The following CFAP299 variants were observed in gnomAD, a reference collection of about 807,000 sequenced individuals.
CFAP299 encodes cilia and flagella associated protein 299.
In CFAP299, 21 loss-of-function variants were observed where a neutral mutation model predicts 27.0. The ratio of observed to expected loss-of-function variants is 0.78; its 90% CI spans 0.55 to 1.12. The LOEUF (loss-of-function observed/expected upper bound fraction) is 1.12. Ranked by LOEUF, CFAP299 falls within the 50% of genes most tolerant of loss-of-function variation. The pLI is 0.00. For synonymous variants in CFAP299, 104 were observed against 98.1 expected, an observed-to-expected ratio of 1.06 and a Z score of -0.36; for missense variants, 310 against 276.6, an observed-to-expected ratio of 1.12 and a Z score of -0.86.
intron 2 of CFAP299, among the ~76,000 whole-genome samples, chr4:80,447,949 A>G (rs1728725524): frequency 6.6e-6 from 1 of 152,320 alleles, no homozygotes; most frequent in South Asian, 2.1e-4. Flanking sequence ...GCTCCTTAGC[A>G]TGGCACACAA....
chr4:80,409,055 A>G (rs1473239721), intron 2 of CFAP299, among the ~76,000 whole-genome samples: 3 of 150,028 alleles, frequency 2.0e-5, no homozygotes, highest in Non-Finnish European at 4.4e-5. Flanking sequence ...AAAAAAAAAG[A>G]GAGAAAAATA....
At chr4:80,955,003 A>G (rs1199856290) in intron 5 of CFAP299, among the ~76,000 whole-genome samples, 7 of 95,328 alleles carry the variant, frequency 7.3e-5, no homozygotes, top group Non-Finnish European at 6.6e-5. Context: ...CCATCAAAAA[A>G]AAAAAAAAAA....
intron 3 of CFAP299, among the ~76,000 whole-genome samples, chr4:80,585,287 T>TC (rs1445300588): frequency 1.3e-5 from 2 of 152,092 alleles, no homozygotes; most frequent in African/African-American, 4.8e-5. Context: ...GGCACAGAGA[T>TC]CATGTGTTTG....
intron 3 of CFAP299, among the ~76,000 whole-genome samples, chr4:80,617,417 C>T (rs1318637112): frequency 6.6e-6 from 1 of 152,124 alleles, no homozygotes; most frequent in Non-Finnish European, 1.5e-5. Context: ...CTGCCATCAA[C>T]TTAGCTTTTT....
chr4:80,425,899 G>A (rs984976340), intron 2 of CFAP299, among the ~76,000 whole-genome samples: 1 of 152,174 alleles, frequency 6.6e-6, no homozygotes, highest in Non-Finnish European at 1.5e-5. Context: ...AAGTGAAAAT[G>A]TCTAGTAAAC....
At chr4:80,940,260 C>T in intron 4 of CFAP299, among the ~76,000 whole-genome samples, 1 of 152,102 alleles carries the variant, frequency 6.6e-6, no homozygotes, top group East Asian at 1.9e-4. Flanking sequence ...CTCCTAGTTC[C>T]CCCCAAGACT....
chr4:80,322,857 G>A, the CFAP299 span, among the ~76,000 whole-genome samples: 6 of 152,196 alleles, frequency 3.9e-5, no homozygotes, highest in Non-Finnish European at 5.9e-5. Context: ...TCACCTGTGG[G>A]TGAAGTTGAT....
intron 3 of CFAP299, among the ~76,000 whole-genome samples, chr4:80,826,348 G>A (rs529596347): frequency 5.1e-4 from 77 of 151,540 alleles, no homozygotes; most frequent in Middle Eastern, 6.8e-3. Context: ...ATTATCAAAA[G>A]GACAGAAGTT....
At chr4:80,720,313 C>T (rs1323195727) in intron 3 of CFAP299, among the ~76,000 whole-genome samples, 1 of 152,090 alleles carries the variant, frequency 6.6e-6, no homozygotes, top group Non-Finnish European at 1.5e-5. Flanking sequence ...CACAGGGTCA[C>T]CAACTAGATT....
At chr4:80,755,509 T>G (rs968122833) in intron 3 of CFAP299, among the ~76,000 whole-genome samples, 9 of 152,212 alleles carry the variant, frequency 5.9e-5, no homozygotes, top group Admixed American at 2.6e-4. Context: ...TCTTAGAGGA[T>G]TCTACCATTT....
chr4:80,673,209 G>A (rs1741606831), intron 3 of CFAP299, among the ~76,000 whole-genome samples: 1 of 152,106 alleles, frequency 6.6e-6, no homozygotes, highest in Non-Finnish European at 1.5e-5. Context: ...GGTACAGTGT[G>A]TCTTTGTTCT....
chr4:80,828,023 G>A (rs1031165901), intron 3 of CFAP299, among the ~76,000 whole-genome samples: 1 of 151,928 alleles, frequency 6.6e-6, no homozygotes, highest in Non-Finnish European at 1.5e-5. Context: ...AAACTACAAA[G>A]CATTTCTGAA....
chr4:80,874,205 ATGG>A (rs985255125), intron 4 of CFAP299, among the ~76,000 whole-genome samples: 23 of 152,184 alleles, frequency 1.5e-4, no homozygotes, highest in Non-Finnish European at 2.2e-4. Context: ...AAATTCGAAT[ATGG>A]TGATTGTTCA....
At chr4:80,562,884 G>A (rs1735110130) in intron 2 of CFAP299, among the ~76,000 whole-genome samples, 1 of 151,772 alleles carries the variant, frequency 6.6e-6, no homozygotes, top group Admixed American at 6.6e-5. Flanking sequence ...CCAAAAAAGA[G>A]CAGGAGTCAC....
At chr4:80,768,848 A>G (rs1433691620) in intron 3 of CFAP299, among the ~76,000 whole-genome samples, 1 of 152,216 alleles carries the variant, frequency 6.6e-6, no homozygotes, top group Non-Finnish European at 1.5e-5. Context: ...ATTTCAAGAC[A>G]ATATACACAT....
intron 2 of CFAP299, among the ~76,000 whole-genome samples, chr4:80,567,948 T>C (rs2110230420): frequency 6.6e-6 from 1 of 151,894 alleles, no homozygotes; most frequent in African/African-American, 2.4e-5. Context: ...TAATATGCAT[T>C]ATTAAATCAG....
chr4:80,911,195 T>C (rs1735453911), intron 4 of CFAP299, among the ~76,000 whole-genome samples: 1 of 151,278 alleles, frequency 6.6e-6, no homozygotes, highest in South Asian at 2.1e-4. Flanking sequence ...ATTTCAAAGT[T>C]TTACATTTTT....
In CFAP299 at chr4:80,581,468, A is replaced by C. The variant is rs1429717340; in HGVS notation, c.243-1625A>C. On this transcript the variant is annotated intron_variant, in intron 2 of 5. Transcript: ENST00000358105. ...TATTAAGTGAGATATATATATATAT[A>C]TATATATATATATATATATATGACA... 2.2e-5 allele frequency among the ~76,000 whole-genome samples: 3 copies of C among 135,512 alleles called. No individual in the cohort carries two copies. In the East Asian group the frequency reaches 6.5e-4, roughly 30 times the overall value. 88.9% of individuals were successfully genotyped at this position (135,512 alleles called of 152,430 possible). A position where few individuals can be genotyped will look rare whatever the true frequency, so the allele number is the denominator to read the frequency against.
chr4:80,592,239 T>C (rs769782863), intron 3 of CFAP299, among the ~76,000 whole-genome samples: 12 of 152,050 alleles, frequency 7.9e-5, no homozygotes, highest in Non-Finnish European at 1.6e-4. Flanking sequence ...TTACTGCAAT[T>C]ATAAAAGCTG....
Sources: gnomAD v4.1 joint callset for allele counts (sites outside exome capture counted in the v4.1 genomes callset) on GRCh38, gnomAD v4.1.1 for gene constraint, MANE v1.5 for transcripts, NCBI Gene and HGNC (gene_info 2026-07-23, HGNC 2026-07-21) for gene names.